Variants in SMARCAL1 observed in about 807,000 individuals in gnomAD.
The protein encoded by SMARCAL1 is ATP-driven annealing helicase.
In SMARCAL1, 58 loss-of-function variants were observed where a neutral mutation model predicts 94.5. The ratio of observed to expected loss-of-function variants is 0.61; its 90% confidence interval spans 0.50 to 0.76. The LOEUF (loss-of-function observed/expected upper bound fraction) is 0.76. Among genes scored for constraint, SMARCAL1 ranks in the 30% least tolerant of loss-of-function variants. The pLI is 0.00. For synonymous variants in SMARCAL1, 422 were observed against 455.1 expected (o/e 0.93, Z 0.93); for missense variants, 1,051 against 1,177.9 (o/e 0.89, Z 1.58).
chr2:216,456,910 G>A (rs370142150), intron 12 of SMARCAL1, among the ~76,000 whole-genome samples: 1 of 152,186 alleles, frequency 6.6e-6, no homozygotes, highest in African/African-American at 2.4e-5. Context: ...AAATTGGATA[G>A]AGAGTCAAGA....
intron 7 of SMARCAL1, among the ~76,000 whole-genome samples, chr2:216,431,303 G>A (rs964692304): frequency 2.0e-5 from 3 of 152,238 alleles, no homozygotes; most frequent in African/African-American, 7.2e-5. Context: ...CACTGTGTGA[G>A]AAGGAAAGAG....
At chr2:216,419,075 C>T (rs948593050) in intron 4 of SMARCAL1, among the ~76,000 whole-genome samples, 24 of 152,092 alleles carry the variant, frequency 1.6e-4, no homozygotes, top group Non-Finnish European at 2.9e-4. Context: ...AGAGGAACAC[C>T]TTCGTACCTA....
Position 216,428,690 on chromosome 2 carries a change from C to T in SMARCAL1, c.1242C>T (p.Leu414=), listed in dbSNP as rs1693894681. Residue 414 remains leucine, a synonymous_variant, in exon 7 of 18, where the codon CTC becomes CTT. Coordinates refer to ENST00000357276, the MANE Select transcript of SMARCAL1 (RefSeq NM_014140.4). ...AFASQLKKTS[L]SLTPDVPEAD... ...CTTCTCAGCTCAAGAAGACATCTCTCAGTCTCACGCCAGATGTCCCAGAGG... is the reference window on the plus strand; with the variant it reads ...CTTCTCAGCTCAAGAAGACATCTCTTAGTCTCACGCCAGATGTCCCAGAGG... 1.2e-6 allele frequency: 2 copies of T among 1,614,064 alleles called. No homozygotes were observed. Among genetic ancestry groups the T allele is most frequent in the African/African-American group, 2.7e-5 (2 of 74,934 alleles).
Position 216,482,856 on chromosome 2 carries a change from C to T in SMARCAL1, c.2744C>T (p.Ser915Phe). Residue 915 changes from serine (S) to phenylalanine (F), a missense_variant, in exon 18 of 18, where the codon TCT becomes TTT. By Grantham distance (155) the Ser-to-Phe change is radical. Transcript: ENST00000357276. This position sits in a 1 kb window ranked among gnomAD's most constrained non-coding sequence, Gnocchi z 4.3. ...SFDPGSASGTSGSSSQNMGDT... is the reference protein window; with the variant it reads ...SFDPGSASGTFGSSSQNMGDT... Reference sequence around the variant, plus strand: ...GACCCAGGAAGTGCTTCAGGAACATCTGGAAGTAGTTCCCAGAACATGGGA... The same window carrying T: ...GACCCAGGAAGTGCTTCAGGAACATTTGGAAGTAGTTCCCAGAACATGGGA... 1.9e-6 allele frequency: 3 copies of T among 1,614,200 alleles called. No homozygotes were observed. The highest frequency in any genetic ancestry group is 2.5e-6 in the Non-Finnish European group (3 of 1,180,042).
At chr2:216,443,395 T>A (rs907875092) in intron 10 of SMARCAL1, among the ~76,000 whole-genome samples, 31 of 145,610 alleles carry the variant, frequency 2.1e-4, no homozygotes, top group Non-Finnish European at 1.0e-4. Context: ...AAGCTTGGAA[T>A]GGCATAGCTT....
Position 216,456,067 on chromosome 2 carries a change from A to T in SMARCAL1, c.2070+5003A>T, listed in dbSNP as rs535788102. ...ACGTGACGAATGCATAAGCTTCAGT[A>T]GCCGATTTGATCAACTGGAAGAAAG... On this transcript the variant is annotated intron_variant, in intron 12 of 17. Transcript: ENST00000357276. Among the ~76,000 whole-genome samples, 3 of 152,388 alleles carry T rather than the reference A, an allele frequency of 2.0e-5. No homozygotes were observed. The South Asian group carries it at 6.2e-4, about 32-fold the overall frequency.
At chr2:216,433,533 T>C (rs1694010489) in intron 8 of SMARCAL1, among the ~76,000 whole-genome samples, 1 of 152,182 alleles carries the variant, frequency 6.6e-6, no homozygotes, top group Non-Finnish European at 1.5e-5. Context: ...TGAGGAGCCC[T>C]GGCGGATCTT....
At chr2:216,461,695 T>C (rs1162930577) in intron 12 of SMARCAL1, among the ~76,000 whole-genome samples, 1 of 151,970 alleles carries the variant, frequency 6.6e-6, no homozygotes, top group East Asian at 1.9e-4. Flanking sequence ...CTGGGCGTGG[T>C]AGTGTGTACC....
chr2:216,480,164 G>A (rs986074476), intron 17 of SMARCAL1, among the ~76,000 whole-genome samples: 1 of 152,116 alleles, frequency 6.6e-6, no homozygotes, highest in African/African-American at 2.4e-5. Context: ...TAAAATATAA[G>A]TACAAGGTAA....
In SMARCAL1 at chr2:216,414,624, ATTC is replaced by A. The variant is rs1402063754; in HGVS notation, c.-58-17_-58-15del. 4 of 1,215,596 alleles carry A rather than the reference ATTC, an allele frequency of 3.3e-6. No individual in the cohort carries two copies. The African/African-American group carries it at 4.5e-5, about 14-fold the overall frequency. The allele number at this position is 1,215,596 out of a possible 1,614,324, so 75.3% of individuals were successfully genotyped here. A position where few individuals can be genotyped will look rare whatever the true frequency, so the allele number is the denominator to read the frequency against. On this transcript the variant is annotated intron_variant, in intron 2 of 17. Coordinates refer to ENST00000357276, the MANE Select transcript of SMARCAL1 (RefSeq NM_014140.4). ...AATTAATACATGTAATGTTCATTTCATTCTTCTTACTTTCTTCCACAGCTTTTG... is the reference window on the plus strand; with the variant it reads ...AATTAATACATGTAATGTTCATTTCATTCTTACTTTCTTCCACAGCTTTTG...
intron 10 of SMARCAL1, among the ~76,000 whole-genome samples, chr2:216,438,946 G>A (rs1168789067): frequency 1.2e-4 from 19 of 152,150 alleles, no homozygotes; most frequent in Admixed American, 1.2e-3. Flanking sequence ...GCAAAAAAAC[G>A]CAATTACTTT....
intron 10 of SMARCAL1, among the ~76,000 whole-genome samples, chr2:216,442,416 CAAAA>C (rs375677725): frequency 0.15 from 13,372 of 88,568 alleles, 701 homozygotes; most frequent in South Asian, 0.28. Context: ...GACTCTGTCT[CAAAA>C]AAAAAAAAAA....
At chr2:216,476,574 A>G (rs1695085128) in intron 15 of SMARCAL1, among the ~76,000 whole-genome samples, 1 of 152,158 alleles carries the variant, frequency 6.6e-6, no homozygotes, top group South Asian at 2.1e-4. Context: ...CAGCCTCCCA[A>G]AGTGCTGGGA....
In SMARCAL1 at chr2:216,419,953, A is replaced by G. The variant is rs539792100; in HGVS notation, c.863-346A>G. On this transcript the variant is annotated intron_variant, in intron 4 of 17. Transcript: ENST00000357276. The stretch of plus-strand genomic sequence containing the variant: ...TCTGAGGTGGAGGATAACTTGAGCC[A>G]GGGAGGTTGAGGCTGCAGTGAGCCA... Among the ~76,000 whole-genome samples, 340 of 141,742 alleles carry G rather than the reference A, an allele frequency of 2.4e-3. 1 individual carries two copies. The highest frequency in any genetic ancestry group is 4.1e-3 in the Non-Finnish European group (272 of 66,140). The allele number at this position is 141,742 out of a possible 152,430, so 93.0% of individuals were successfully genotyped here.
At position 216,446,901 on chromosome 2, in the gene SMARCAL1, C is replaced by T. The variant is rs566607890; in HGVS notation, c.1711-117C>T. On this transcript the variant is annotated intron_variant, in intron 10 of 17. Coordinates refer to ENST00000357276, the MANE Select transcript of SMARCAL1 (RefSeq NM_014140.4). ...CATTGGCAATGCCATTAGGTTCTCG[C>T]GACACGCACGCGGTCTTTTTCTGGG... 125 of 1,194,292 alleles carry T rather than the reference C, an allele frequency of 1.0e-4. No homozygotes were observed. The Admixed American group carries it at 1.1e-3, about 11-fold the overall frequency. The allele number at this position is 1,194,292 out of a possible 1,614,324, so 74.0% of individuals were successfully genotyped here. A position where few individuals can be genotyped will look rare whatever the true frequency, so the allele number is the denominator to read the frequency against.
intron 14 of SMARCAL1, among the ~76,000 whole-genome samples, chr2:216,474,492 C>T (rs1350588176): frequency 3.3e-5 from 5 of 149,528 alleles, no homozygotes; most frequent in East Asian, 2.0e-4. Context: ...CAGTGGCTCA[C>T]GCCTGTAATC....
chr2:216,422,423 C>T (rs559953165), intron 5 of SMARCAL1, among the ~76,000 whole-genome samples: 13 of 152,264 alleles, frequency 8.5e-5, no homozygotes, highest in Admixed American at 3.9e-4. Context: ...TGTGAGATCA[C>T]ACTCCTGACA....
At chr2:216,439,410 T>G (rs1172993182) in intron 10 of SMARCAL1, among the ~76,000 whole-genome samples, 1 of 152,066 alleles carries the variant, frequency 6.6e-6, no homozygotes, top group African/African-American at 2.4e-5. Flanking sequence ...TTGTAACAAG[T>G]TAGAAGTTTC....
chr2:216,435,477 C>G lies in SMARCAL1; in HGVS notation c.1625C>G (p.Pro542Arg), dbSNP rs959350799. The G allele has an allele frequency of 1.2e-6, 2 of 1,614,122 alleles. No homozygotes were observed. Among genetic ancestry groups the G allele is most frequent in the African/African-American group, 1.3e-5 (1 of 75,042 alleles). Reference protein sequence around the residue: ...LSKLEKQLKTPFKVVIIDESH... With the variant: ...LSKLEKQLKTRFKVVIIDESH... ...AAGTTGGAAAAACAGCTAAAAACCC[C>G]TTTTAAAGTTGTCATCATTGTAAGA... Residue 542 changes from proline (P) to arginine (R), a missense_variant, in exon 9 of 18, where the codon CCT becomes CGT. By Grantham distance (103) the Pro-to-Arg change is moderately radical. Around this residue, in one of 3 missense-constraint regions of SMARCAL1, gnomAD observed 642 missense variants for 754.7 expected, o/e 0.85. Coordinates refer to ENST00000357276, the MANE Select transcript of SMARCAL1 (RefSeq NM_014140.4).
Sources: gnomAD v4.1 joint callset for allele counts (sites outside exome capture counted in the v4.1 genomes callset) on GRCh38, gnomAD v4.1.1 for gene constraint, gnomAD v4.1.1 regional missense constraint, Gnocchi (gnomAD v3.1) non-coding constraint, MANE v1.5 for transcripts, NCBI Gene and HGNC (gene_info 2026-07-23, HGNC 2026-07-21) for gene names.